The following MRTFA variants were observed in gnomAD, a reference collection of about 807,000 sequenced individuals.
MRTFA encodes the protein myocardin related transcription factor A.
Under a neutral mutation model 83.5 loss-of-function variants are expected in MRTFA, and 20 were observed. The observed-to-expected ratio is 0.24, with a 90% CI of 0.17 to 0.35. The LOEUF is 0.35. Ranked by LOEUF, MRTFA falls within the 10% of genes least tolerant of loss-of-function variation. MRTFA has a pLI of 1.00. For synonymous variants in MRTFA, 659 were observed against 541.2 expected (o/e 1.22, Z -3.02); for missense variants, 1,200 against 1,224.7 (o/e 0.98, Z 0.30).
chr22:40,509,459 C>A (rs916915425), intron 3 of MRTFA, among the ~76,000 whole-genome samples: 1 of 152,224 alleles, frequency 6.6e-6, no homozygotes, highest in African/African-American at 2.4e-5. Flanking sequence ...AAATTCTCCC[C>A]ATAGCCGAAA....
At chr22:40,455,268 T>C (rs560054312) in intron 4 of MRTFA, among the ~76,000 whole-genome samples, 3 of 152,356 alleles carry the variant, frequency 2.0e-5, no homozygotes, top group African/African-American at 4.8e-5. Context: ...GTTAGTCTTA[T>C]AGAAATAGTT....
chr22:40,545,933 G>C (rs1291344825), intron 3 of MRTFA, among the ~76,000 whole-genome samples: 1 of 151,364 alleles, frequency 6.6e-6, no homozygotes, highest in Non-Finnish European at 1.5e-5. Flanking sequence ...CACCATGTTG[G>C]CCAGGCTGGT....
chr22:40,497,282 A>G (rs1235491951), intron 3 of MRTFA, among the ~76,000 whole-genome samples: 4 of 152,246 alleles, frequency 2.6e-5, no homozygotes, highest in African/African-American at 9.6e-5. Context: ...AAAGATGGGA[A>G]GGGCATTCCA....
chr22:40,440,691 G>A (rs756334376), intron 4 of MRTFA, among the ~76,000 whole-genome samples: 17 of 152,078 alleles, frequency 1.1e-4, no homozygotes, highest in Non-Finnish European at 1.5e-4. Context: ...TGTGTGTCCC[G>A]CCAGCTTTGT....
At chr22:40,581,431 C>T (rs2055946122) in intron 2 of MRTFA, among the ~76,000 whole-genome samples, 3 of 152,168 alleles carry the variant, frequency 2.0e-5, no homozygotes, top group African/African-American at 7.2e-5. Context: ...TTCTACAGAG[C>T]TCAATTTACA....
chr22:40,519,184 G>C (rs1462564264), intron 3 of MRTFA, among the ~76,000 whole-genome samples: 1 of 152,080 alleles, frequency 6.6e-6, no homozygotes, highest in Non-Finnish European at 1.5e-5. Flanking sequence ...TAAAAAAGAT[G>C]TGTCCACCTG....
At chr22:40,421,132 G>A in intron 9 of MRTFA, 32 bp from the exon 10 acceptor site, 2 of 1,506,912 alleles carry the variant, frequency 1.3e-6, no homozygotes, top group East Asian at 2.4e-5. Flanking sequence ...TGCCATTCAG[G>A]GGCAGCCTCA....
intron 2 of MRTFA, among the ~76,000 whole-genome samples, chr22:40,588,905 C>T (rs141465358): frequency 1.3e-5 from 2 of 152,194 alleles, no homozygotes; most frequent in African/African-American, 4.8e-5. Context: ...CTGCTTGAGT[C>T]CAGGAGTGCA....
chr22:40,424,295 T>C lies in MRTFA; in HGVS notation c.688A>G (p.Ser230Gly). The change falls in exon 8 of 15, where the codon AGC (serine) becomes GGC (glycine). Residue 230 changes from serine (S) to glycine (G), a missense_variant. By Grantham distance (56) the Ser-to-Gly change is moderately conservative (BLOSUM62 0). This residue lies in a region of MRTFA where 1,107 missense variants were observed against 1,041.8 expected (regional missense o/e 1.06). Coordinates refer to ENST00000355630, the MANE Select transcript of MRTFA (RefSeq NM_020831.6). ...GGCACAGAACCCTGGGACTCATGGC[T>C]GGCAGGCTGCTCGGGGGATAAGGCA... The C allele has an allele frequency of 6.2e-7, 1 of 1,612,854 alleles. No homozygotes were observed. Among genetic ancestry groups the C allele is most frequent in the Non-Finnish European group, 8.5e-7 (1 of 1,179,538 alleles).
chr22:40,440,491 A>T (rs1200708859), intron 4 of MRTFA, among the ~76,000 whole-genome samples: 1 of 152,194 alleles, frequency 6.6e-6, no homozygotes, highest in African/African-American at 2.4e-5. Context: ...CTTCTCTCTG[A>T]TAGCAGATTC....
intron 1 of MRTFA, among the ~76,000 whole-genome samples, chr22:40,623,326 T>TTTA (rs1556029703): frequency 7.9e-5 from 12 of 152,110 alleles, no homozygotes; most frequent in Non-Finnish European, 1.8e-4. Context: ...GTCTTTTTTT[T>TTTA]TTATTATTAT....
intron 3 of MRTFA, among the ~76,000 whole-genome samples, chr22:40,481,877 G>A (rs1289602431): frequency 3.3e-5 from 5 of 152,086 alleles, no homozygotes; most frequent in Admixed American, 2.0e-4. Flanking sequence ...TGGCTAACAC[G>A]GTGAAACCCC....
chr22:40,508,827 T>C (rs979021111), intron 3 of MRTFA, among the ~76,000 whole-genome samples: 27 of 147,328 alleles, frequency 1.8e-4, no homozygotes, highest in Non-Finnish European at 3.7e-4. Context: ...CTGGGCAACA[T>C]AGCGAGACTC....
chr22:40,625,467 A>G (rs191357081), intron 1 of MRTFA, among the ~76,000 whole-genome samples: 2,632 of 150,838 alleles, frequency 0.017, 37 homozygotes, highest in Non-Finnish European at 0.024. Context: ...ATAAATAAAT[A>G]AATAAATAAA....
At chr22:40,577,374 A>G (rs2055882972) in intron 2 of MRTFA, among the ~76,000 whole-genome samples, 1 of 152,060 alleles carries the variant, frequency 6.6e-6, no homozygotes, top group Admixed American at 6.6e-5. Flanking sequence ...GAGAGAAAGC[A>G]CAACTTTAAA....
intron 3 of MRTFA, among the ~76,000 whole-genome samples, chr22:40,550,029 A>G (rs2055420884): frequency 6.8e-6 from 1 of 146,052 alleles, no homozygotes; most frequent in Non-Finnish European, 1.5e-5. Flanking sequence ...AGCCTGGGCA[A>G]CAGAGTGAGA....
At chr22:40,566,804 G>A (rs56092708) in intron 2 of MRTFA, among the ~76,000 whole-genome samples, 12,370 of 152,168 alleles carry the variant, frequency 0.081, 749 homozygotes, top group East Asian at 0.25. Context: ...CTGCACCCTC[G>A]CTTGGGCAAC....
At chr22:40,587,315 C>T (rs2056045829) in intron 2 of MRTFA, 2 of 463,090 alleles carry the variant, frequency 4.3e-6, no homozygotes, top group Non-Finnish European at 8.6e-6. Flanking sequence ...GTTCAGTTTG[C>T]TTACATTAAG....
chr22:40,617,156 AGGAAGGAGGGAAGGAG>A (rs1162686963), intron 1 of MRTFA, among the ~76,000 whole-genome samples: 7 of 101,814 alleles, frequency 6.9e-5, no homozygotes, highest in African/African-American at 1.6e-4. Flanking sequence ...GAAGGAAGGA[AGGAAGGAGGGAAGGAG>A]GGAAGGAGGG....
Sources: gnomAD v4.1 joint callset for allele counts (sites outside exome capture counted in the v4.1 genomes callset) on GRCh38, gnomAD v4.1.1 for gene constraint, gnomAD v4.1.1 regional missense constraint, MANE v1.5 for transcripts, NCBI Gene and HGNC (gene_info 2026-07-23, HGNC 2026-07-21) for gene names.